The following RBFOX1 variants were observed in gnomAD, a reference collection of about 807,000 sequenced individuals.
RBFOX1 encodes RNA binding fox-1 homolog 1.
Under a neutral mutation model 57.7 loss-of-function variants are expected in RBFOX1, and 8 were observed. That is an observed-to-expected ratio of 0.14 (90% CI 0.08 to 0.25). The LOEUF is 0.25. Among genes scored for constraint, RBFOX1 ranks in the 10% least tolerant of loss-of-function variants. RBFOX1 has a pLI of 1.00. For missense variants in RBFOX1, 611 were observed against 548.5 expected (o/e 1.11, Z -1.14); for synonymous variants, 326 against 222.4 (o/e 1.47, Z -4.15).
intron 4 of RBFOX1, among the ~76,000 whole-genome samples, chr16:7,225,767 G>A (rs1467474175): frequency 5.5e-5 from 5 of 91,038 alleles, no homozygotes; most frequent in South Asian, 9.6e-4. Context: ...GGTGGGGGGA[G>A]GGGGGAGGGA....
At position 6,604,857 on chromosome 16, in the gene RBFOX1, T is replaced by C. The variant is rs376064430; in HGVS notation, c.-63-49746T>C. Among the ~76,000 whole-genome samples the C allele has an allele frequency of 6.2e-4, 95 of 152,280 alleles. 1 individual carries two copies. In the South Asian group the frequency reaches 0.019, roughly 31 times the overall value. On this transcript the variant is annotated intron_variant, in intron 2 of 15. Coordinates refer to ENST00000550418, the MANE Select transcript of RBFOX1 (RefSeq NM_018723.4). ...TGACTTCATAAAAAGTAAATGAGCT[T>C]GGGCCTGGTGGCACACGCCTGTAAT...
intron 4 of RBFOX1, among the ~76,000 whole-genome samples, chr16:5,922,663 C>T (rs1222693237): frequency 1.3e-5 from 2 of 152,178 alleles, no homozygotes; most frequent in Non-Finnish European, 2.9e-5. Flanking sequence ...CAGTAACCAC[C>T]CACCCTCATA....
At chr16:5,378,406 T>G (rs745740091) in intron 1 of RBFOX1, among the ~76,000 whole-genome samples, 5 of 151,526 alleles carry the variant, frequency 3.3e-5, no homozygotes, top group Non-Finnish European at 5.9e-5. Context: ...CCGCCCAGGA[T>G]CGGGGAGTTA....
At chr16:7,566,796 C>A (rs1183165976) in intron 5 of RBFOX1, among the ~76,000 whole-genome samples, 1 of 152,074 alleles carries the variant, frequency 6.6e-6, no homozygotes, top group Admixed American at 6.6e-5. Context: ...CCTCAGTGAT[C>A]CTTTTCCACA....
At chr16:5,907,285 C>T (rs1034231046) in intron 4 of RBFOX1, among the ~76,000 whole-genome samples, 8 of 152,056 alleles carry the variant, frequency 5.3e-5, no homozygotes, top group Non-Finnish European at 8.8e-5. Context: ...CTGCCTCATC[C>T]TCTGTGCATG....
At chr16:5,835,918 C>G (rs1203437224) in intron 3 of RBFOX1, among the ~76,000 whole-genome samples, 2 of 152,148 alleles carry the variant, frequency 1.3e-5, no homozygotes, top group Admixed American at 6.5e-5. Flanking sequence ...GCTCCTTGCA[C>G]CCGCCGCCCA....
At chr16:7,351,357 A>G (rs2097127128) in intron 4 of RBFOX1, among the ~76,000 whole-genome samples, 1 of 152,276 alleles carries the variant, frequency 6.6e-6, no homozygotes, top group South Asian at 2.1e-4. Flanking sequence ...ATAATTCTTT[A>G]GACATGTATT....
At chr16:5,623,296 C>T (rs2048253146) in intron 3 of RBFOX1, among the ~76,000 whole-genome samples, 1 of 152,088 alleles carries the variant, frequency 6.6e-6, no homozygotes, top group Non-Finnish European at 1.5e-5. Context: ...GGCAGGGGTC[C>T]TCAAACTGAA....
chr16:7,421,947 G>C (rs560956463), intron 4 of RBFOX1, among the ~76,000 whole-genome samples: 1 of 152,278 alleles, frequency 6.6e-6, no homozygotes, highest in South Asian at 2.1e-4. Context: ...GTCATGCCCA[G>C]TCCCTAAAGC....
rs1322941433 is a variant in RBFOX1, at chr16:6,101,154, C to G, written c.-127+81162C>G. On this transcript the variant is annotated intron_variant, in intron 1 of 15. Transcript: ENST00000550418. ...TACTGACTTCTGAGAAAGGCTGTTA[C>G]AAGCTTTCAAAGAAATGGTATTTAT... Among the ~76,000 whole-genome samples, 6 of 152,206 alleles carry G rather than the reference C, an allele frequency of 3.9e-5. No individual in the cohort carries two copies. The East Asian group carries it at 5.8e-4, about 15-fold the overall frequency.
At chr16:5,740,041 A>G (rs1180806160) in intron 3 of RBFOX1, among the ~76,000 whole-genome samples, 1 of 152,126 alleles carries the variant, frequency 6.6e-6, no homozygotes, top group African/African-American at 2.4e-5. Context: ...TCTCTTTGAA[A>G]TTGGTATTTT....
intron 4 of RBFOX1, among the ~76,000 whole-genome samples, chr16:7,061,720 A>T (rs2054347547): frequency 1.3e-5 from 2 of 152,134 alleles, no homozygotes; most frequent in South Asian, 2.1e-4. Flanking sequence ...TCTGTATCAA[A>T]CAGCTCCAAG....
chr16:5,277,003 A>T (rs572473257), intron 1 of RBFOX1, among the ~76,000 whole-genome samples: 10 of 152,350 alleles, frequency 6.6e-5, no homozygotes, highest in African/African-American at 2.2e-4. Flanking sequence ...ACATGTTTAC[A>T]TCAGCAAAAT....
At chr16:7,276,331 T>C (rs1464899126) in intron 4 of RBFOX1, among the ~76,000 whole-genome samples, 1 of 152,186 alleles carries the variant, frequency 6.6e-6, no homozygotes, top group Non-Finnish European at 1.5e-5. Flanking sequence ...GATGTCAGTC[T>C]GTTTGGAGGC....
chr16:7,012,073 G>T (rs192674639), intron 3 of RBFOX1, among the ~76,000 whole-genome samples: 7 of 152,126 alleles, frequency 4.6e-5, no homozygotes, highest in Non-Finnish European at 8.8e-5. Context: ...TGGACTTTAG[G>T]TCAGACGTAT....
chr16:5,418,924 C>T (rs1018048384), intron 1 of RBFOX1, among the ~76,000 whole-genome samples: 6 of 152,250 alleles, frequency 3.9e-5, no homozygotes, highest in East Asian at 1.9e-4. Flanking sequence ...AAGGGTGGTG[C>T]CCCAGCTCAG....
At chr16:6,951,838 A>G (rs1247520847) in intron 3 of RBFOX1, among the ~76,000 whole-genome samples, 1 of 152,056 alleles carries the variant, frequency 6.6e-6, no homozygotes, top group African/African-American at 2.4e-5. Flanking sequence ...GGTTCAAGCG[A>G]TTCTCCTGCC....
intron 2 of RBFOX1, among the ~76,000 whole-genome samples, chr16:6,520,570 C>G (rs915963477): frequency 1.3e-5 from 2 of 152,036 alleles, no homozygotes; most frequent in Non-Finnish European, 2.9e-5. Context: ...TTGGTTCTAA[C>G]TTGTGAAAAA....
At chr16:6,430,157 TATA>T (rs1440600808) in intron 2 of RBFOX1, among the ~76,000 whole-genome samples, 1 of 151,872 alleles carries the variant, frequency 6.6e-6, no homozygotes, top group Non-Finnish European at 1.5e-5. Context: ...GTCTTTCCTT[TATA>T]ATAATTACCC....
Sources: allele counts gnomAD v4.1 joint callset (sites outside exome capture counted in the v4.1 genomes callset), GRCh38; gene constraint gnomAD v4.1.1; transcripts MANE v1.5; gene names NCBI Gene and HGNC (gene_info 2026-07-23, HGNC 2026-07-21).